The following WWOX variants were observed in gnomAD, a reference collection of about 807,000 sequenced individuals.
WWOX encodes the protein WW domain-containing oxidoreductase.
Under a neutral mutation model 46.2 loss-of-function variants are expected in WWOX, and 69 were observed. The observed-to-expected ratio is 1.49, with a 90% CI of 1.23 to 1.82. The LOEUF (loss-of-function observed/expected upper bound fraction) is 1.82. Among genes scored for constraint, WWOX ranks in the 40% most tolerant of loss-of-function variants. The pLI, the probability that WWOX is intolerant of heterozygous loss-of-function variation, is 0.00. For missense variants in WWOX, 919 were observed against 542.6 expected, an observed-to-expected ratio of 1.69 and a Z score of -6.89; for synonymous variants, 359 against 202.6, an observed-to-expected ratio of 1.77 and a Z score of -6.56.
At chr16:78,337,024 A>G (rs1334653459) in intron 5 of WWOX, among the ~76,000 whole-genome samples, 1 of 151,952 alleles carries the variant, frequency 6.6e-6, no homozygotes, top group African/African-American at 2.4e-5. Context: ...CACGTGATCC[A>G]CCCGCCTTGG....
At chr16:78,868,795 T>C (rs1400270892) in intron 8 of WWOX, among the ~76,000 whole-genome samples, 1 of 152,198 alleles carries the variant, frequency 6.6e-6, no homozygotes, top group African/African-American at 2.4e-5. Context: ...ATAATGACCA[T>C]TAATAATCTG....
intron 8 of WWOX, among the ~76,000 whole-genome samples, chr16:78,836,789 C>G (rs1325467762): frequency 2.6e-5 from 4 of 152,144 alleles, no homozygotes; most frequent in African/African-American, 9.7e-5. Flanking sequence ...TTTAATTATT[C>G]TATACACCAA....
chr16:78,842,292 G>A (rs1460005012), intron 8 of WWOX, among the ~76,000 whole-genome samples: 3 of 148,732 alleles, frequency 2.0e-5, no homozygotes, highest in Non-Finnish European at 4.5e-5. Flanking sequence ...CCAAGAATTT[G>A]AGACCAGTCT....
chr16:79,176,432 G>C (rs1357882368), intron 8 of WWOX, among the ~76,000 whole-genome samples: 1 of 152,216 alleles, frequency 6.6e-6, no homozygotes, highest in Admixed American at 6.5e-5. Flanking sequence ...CTAGCCCTTT[G>C]CTCAGGAAGA....
intron 8 of WWOX, among the ~76,000 whole-genome samples, chr16:78,545,533 A>T (rs554736974): frequency 6.6e-6 from 1 of 152,150 alleles, no homozygotes; most frequent in South Asian, 2.1e-4. Context: ...CCATCCTTAA[A>T]CAAGTTCAAT....
chr16:78,876,855 C>T (rs751239645), intron 8 of WWOX, among the ~76,000 whole-genome samples: 65 of 152,144 alleles, frequency 4.3e-4, no homozygotes, highest in Non-Finnish European at 7.9e-4. Context: ...CCCAGTGGAA[C>T]GCTCTTTCTA....
chr16:78,300,236 A>C (rs1741290221), intron 5 of WWOX, among the ~76,000 whole-genome samples: 1 of 152,276 alleles, frequency 6.6e-6, no homozygotes, highest in African/African-American at 2.4e-5. Flanking sequence ...AGCCTAGGAG[A>C]TACATGGAGA....
chr16:78,207,713 A>G (rs2036438266), intron 5 of WWOX, among the ~76,000 whole-genome samples: 1 of 143,532 alleles, frequency 7.0e-6, no homozygotes, highest in African/African-American at 2.6e-5. Flanking sequence ...GTGGGCTGTG[A>G]TTGTGCCACT....
chr16:79,043,844 G>A (rs1201447947), intron 8 of WWOX, among the ~76,000 whole-genome samples: 1 of 152,210 alleles, frequency 6.6e-6, no homozygotes, highest in Non-Finnish European at 1.5e-5. Flanking sequence ...GGGATGTAGA[G>A]AGCAAACTCT....
At chr16:78,937,135 A>C (rs2045754607) in intron 8 of WWOX, among the ~76,000 whole-genome samples, 2 of 152,172 alleles carry the variant, frequency 1.3e-5, no homozygotes, top group African/African-American at 4.8e-5. Context: ...CCTAGATTTA[A>C]AAAAATGTTG....
At chr16:78,828,326 G>A (rs1299437459) in intron 8 of WWOX, among the ~76,000 whole-genome samples, 3 of 152,080 alleles carry the variant, frequency 2.0e-5, no homozygotes, top group Admixed American at 6.6e-5. Flanking sequence ...CAAAAACTGG[G>A]GGATGCAGAA....
At chr16:78,945,752 G>C (rs1389185591) in intron 8 of WWOX, among the ~76,000 whole-genome samples, 2 of 151,664 alleles carry the variant, frequency 1.3e-5, no homozygotes, top group African/African-American at 4.9e-5. Context: ...CCTGCAAATT[G>C]TTTTTATTTA....
chr16:79,126,566 A>G (rs1202791065), intron 8 of WWOX, among the ~76,000 whole-genome samples: 1 of 152,122 alleles, frequency 6.6e-6, no homozygotes, highest in Non-Finnish European at 1.5e-5. Flanking sequence ...CATGGTGGTA[A>G]GTTTCCTGAG....
intron 5 of WWOX, among the ~76,000 whole-genome samples, chr16:78,367,336 A>G (rs1308519373): frequency 1.3e-5 from 2 of 152,184 alleles, no homozygotes; most frequent in South Asian, 2.1e-4. Context: ...GCCTGTGGGC[A>G]CATGTGGCCC....
intron 8 of WWOX, among the ~76,000 whole-genome samples, chr16:78,576,860 A>T (rs2044893944): frequency 6.6e-6 from 1 of 152,156 alleles, no homozygotes; most frequent in South Asian, 2.1e-4. Context: ...GGGTATCTTA[A>T]TCCTTTCTCA....
At chr16:78,968,737 T>C (rs964175763) in intron 8 of WWOX, among the ~76,000 whole-genome samples, 7 of 152,118 alleles carry the variant, frequency 4.6e-5, no homozygotes, top group South Asian at 2.1e-4. Context: ...ACCATGCTCA[T>C]TGGTTTTAGG....
chr16:78,386,894 T>C lies in WWOX; in HGVS notation c.551T>C (p.Leu184Pro). The part of the protein sequence containing the change: ...KAKVEAMTLD[L>P]ALLRSVQHFA... ...AAGGTAGAAGCAATGACCCTGGACC[T>C]CGCTCTGCTCCGTAGCGTGCAGCAT... Residue 184 changes from leucine (L) to proline (P), a missense_variant, in exon 6 of 9, where the codon CTC (leucine) becomes CCC (proline). Coordinates refer to ENST00000566780, the MANE Select transcript of WWOX (RefSeq NM_016373.4). The C allele has an allele frequency of 6.2e-7, 1 of 1,614,138 alleles. No homozygotes were observed. The highest frequency in any genetic ancestry group is 8.5e-7 in the Non-Finnish European group (1 of 1,180,006).
chr16:78,400,239 C>T (rs1031397627), intron 6 of WWOX, among the ~76,000 whole-genome samples: 1 of 152,122 alleles, frequency 6.6e-6, no homozygotes, highest in East Asian at 1.9e-4. Context: ...AGGAAAAGGT[C>T]TCTGTTTGTC....
intron 8 of WWOX, among the ~76,000 whole-genome samples, chr16:78,876,665 T>G (rs933215299): frequency 4.6e-5 from 7 of 152,204 alleles, no homozygotes; most frequent in African/African-American, 1.7e-4. Context: ...TTCTGGCTAT[T>G]AAAGATTTGC....
Sources: gnomAD v4.1 joint callset for allele counts (sites outside exome capture counted in the v4.1 genomes callset) on GRCh38, gnomAD v4.1.1 for gene constraint, MANE v1.5 for transcripts, NCBI Gene and HGNC (gene_info 2026-07-23, HGNC 2026-07-21) for gene names.